Variants in RANBP2 observed in about 807,000 individuals in gnomAD.
RANBP2 encodes the protein RAN binding protein 2.
In RANBP2, 57 loss-of-function variants were observed where a neutral mutation model predicts 303.6. That is an observed-to-expected ratio of 0.19 (90% CI 0.15 to 0.23). The LOEUF is 0.23. Among genes scored for constraint, RANBP2 ranks in the 10% least tolerant of loss-of-function variants. The pLI is 1.00. For missense variants in RANBP2, 3,138 were observed against 3,780.8 expected (o/e 0.83, Z 4.46); for synonymous variants, 1,167 against 1,301.5 (o/e 0.90, Z 2.23).
chr2:108,811,025 T>C, the RANBP2 span, among the ~76,000 whole-genome samples: 1 of 152,092 alleles, frequency 6.6e-6, no homozygotes, highest in African/African-American at 2.4e-5. Context: ...TCTGTGGTAC[T>C]GCTTGTAATG....
At chr2:109,195,139 A>G in the RANBP2 span, among the ~76,000 whole-genome samples, 1 of 152,346 alleles carries the variant, frequency 6.6e-6, no homozygotes, top group South Asian at 2.1e-4. Context: ...ATAAAAACTA[A>G]TAGGAAAAAA....
the RANBP2 span, chr2:108,910,715 A>G: frequency 1.9e-6 from 3 of 1,580,688 alleles, no homozygotes; most frequent in African/African-American, 1.3e-5. Flanking sequence ...GCTTCTGGGA[A>G]CGCCCTCCAC....
At chr2:108,833,959 G>A in the RANBP2 span, among the ~76,000 whole-genome samples, 3 of 145,098 alleles carry the variant, frequency 2.1e-5, no homozygotes, top group African/African-American at 7.8e-5. Flanking sequence ...TGTTAGCCAG[G>A]ATGGTCTCTA....
At chr2:109,249,505 CTT>C in the RANBP2 span, among the ~76,000 whole-genome samples, 1 of 43,254 alleles carries the variant, frequency 2.3e-5, no homozygotes, top group Non-Finnish European at 4.2e-5. Context: ...TTCTTTCTTT[CTT>C]TCATTCTTTC....
chr2:108,834,768 C>CT, the RANBP2 span, among the ~76,000 whole-genome samples: 1 of 152,210 alleles, frequency 6.6e-6, no homozygotes, highest in African/African-American at 2.4e-5. Context: ...CCTCCCTCCC[C>CT]TGTAGACCTT....
the RANBP2 span, among the ~76,000 whole-genome samples, chr2:108,984,348 G>C: frequency 2.6e-5 from 4 of 152,154 alleles, no homozygotes; most frequent in Non-Finnish European, 5.9e-5. Flanking sequence ...GAACAACACA[G>C]GGCGTGAGCC....
chr2:109,501,150 G>A, the RANBP2 span, among the ~76,000 whole-genome samples: 4 of 151,954 alleles, frequency 2.6e-5, no homozygotes, highest in South Asian at 4.2e-4. Flanking sequence ...ACCCTCCCCC[G>A]CCCCTGCCCC....
chr2:108,886,424 A>G, the RANBP2 span, among the ~76,000 whole-genome samples: 3 of 150,944 alleles, frequency 2.0e-5, no homozygotes, highest in African/African-American at 7.3e-5. Flanking sequence ...CACTTTATTT[A>G]TTTTTTTTGA....
the RANBP2 span, among the ~76,000 whole-genome samples, chr2:109,183,005 C>G: frequency 6.6e-6 from 1 of 152,234 alleles, no homozygotes; most frequent in Non-Finnish European, 1.5e-5. Flanking sequence ...CAGAGCTCAT[C>G]ATCCTTCCAC....
chr2:109,548,235 G>A, the RANBP2 span, among the ~76,000 whole-genome samples: 5 of 151,736 alleles, frequency 3.3e-5, no homozygotes, highest in Admixed American at 1.3e-4. Context: ...TGTGTGCTGT[G>A]CCCTCTAACA....
the RANBP2 span, among the ~76,000 whole-genome samples, chr2:108,981,733 C>T: frequency 5.3e-5 from 8 of 152,156 alleles, no homozygotes; most frequent in Non-Finnish European, 1.0e-4. Flanking sequence ...CATTTCTGAA[C>T]GAGCCCATGG....
chr2:109,045,441 A>C, the RANBP2 span, among the ~76,000 whole-genome samples: 48 of 152,304 alleles, frequency 3.2e-4, no homozygotes, highest in Non-Finnish European at 3.2e-4. Flanking sequence ...GAAGGGCTTT[A>C]ATGTCACAGA....
At chr2:109,402,847 T>G in the RANBP2 span, among the ~76,000 whole-genome samples, 1 of 152,176 alleles carries the variant, frequency 6.6e-6, no homozygotes, top group Non-Finnish European at 1.5e-5. Context: ...CCCTGGTAGT[T>G]ATTGAATCCT....
the RANBP2 span, among the ~76,000 whole-genome samples, chr2:109,111,901 C>T: frequency 7.3e-5 from 11 of 151,040 alleles, no homozygotes; most frequent in South Asian, 2.1e-4. Flanking sequence ...TTTGTCCTTG[C>T]GATAGTTTAC....
At chr2:109,129,379 C>T in the RANBP2 span, 1 of 1,163,694 alleles carries the variant, frequency 8.6e-7, no homozygotes, top group Non-Finnish European at 1.2e-6. Context: ...GGTCGGTGAG[C>T]CACTTCGCAC....
At chr2:108,864,613 T>C in the RANBP2 span, among the ~76,000 whole-genome samples, 58 of 152,076 alleles carry the variant, frequency 3.8e-4, no homozygotes, top group African/African-American at 1.3e-3. Flanking sequence ...CTGGCTAACA[T>C]GGTGAAACCC....
chr2:109,016,248 AT>A, the RANBP2 span, among the ~76,000 whole-genome samples: 1,153 of 145,166 alleles, frequency 7.9e-3, 15 homozygotes, highest in African/African-American at 0.022. Flanking sequence ...CGCCCGGCTA[AT>A]TTTTTTTTTT....
the RANBP2 span, chr2:109,347,810 A>G: frequency 4.3e-6 from 7 of 1,613,842 alleles, no homozygotes; most frequent in Non-Finnish European, 5.9e-6. Flanking sequence ...GGCGAGCTGC[A>G]CGGCACACAG....
chr2:109,073,518 A>AAAAAAAAAAAG, the RANBP2 span, among the ~76,000 whole-genome samples: 1 of 150,632 alleles, frequency 6.6e-6, no homozygotes, highest in Non-Finnish European at 1.5e-5. Flanking sequence ...AATACAAAAA[A>AAAAAAAAAAAG]ATTAGCTGGG....
Sources: gnomAD v4.1 joint callset for allele counts (sites outside exome capture counted in the v4.1 genomes callset) on GRCh38, gnomAD v4.1.1 for gene constraint, MANE v1.5 for transcripts, NCBI Gene and HGNC (gene_info 2026-07-23, HGNC 2026-07-21) for gene names.